TPRG1: variants seen among roughly 807,000 people sequenced by gnomAD.
The protein encoded by TPRG1 is tumor protein p63 regulated 1, also known as tumor protein p63-regulated gene 1 protein.
A neutral mutation model predicts 29.3 loss-of-function variants in TPRG1; 29 were observed. The observed-to-expected ratio is 0.99, with a 90% CI of 0.74 to 1.35. The LOEUF is 1.35. TPRG1 is among the 40% of genes most tolerant of loss of function. The pLI is 0.00. For synonymous variants in TPRG1, 130 were observed against 116.8 expected (o/e 1.11, Z -0.73); for missense variants, 327 against 335.0 (o/e 0.98, Z 0.19).
exon 3 of TPRG1, chr3:189,132,683 C>G (rs1445389145): frequency 6.6e-6 from 1 of 152,204 alleles, no homozygotes; most frequent in East Asian, 1.9e-4. Context: ...ACTGAACTGT[C>G]AGGCGGGAAA....
chr3:189,068,593 A>G (rs138812254), intron 4 of TPRG1, among the ~76,000 whole-genome samples: 2,982 of 152,196 alleles, frequency 0.02, 44 homozygotes, highest in Admixed American at 0.03. Flanking sequence ...TGGCCAACAT[A>G]GTGAAACCCC....
At chr3:189,180,455 G>A (rs1730060347) in intron 1 of TPRG1, among the ~76,000 whole-genome samples, 1 of 152,166 alleles carries the variant, frequency 6.6e-6, no homozygotes, top group African/African-American at 2.4e-5. Context: ...TACAGGTATT[G>A]GGTAAATACA....
At chr3:189,080,792 G>T (rs549880911) in intron 4 of TPRG1, among the ~76,000 whole-genome samples, 1 of 152,130 alleles carries the variant, frequency 6.6e-6, no homozygotes, top group East Asian at 1.9e-4. Context: ...ATATTGAATA[G>T]CACTGGGATT....
intron 4 of TPRG1, among the ~76,000 whole-genome samples, chr3:189,059,880 G>A (rs1209858727): frequency 6.6e-6 from 1 of 152,150 alleles, no homozygotes; most frequent in African/African-American, 2.4e-5. Flanking sequence ...GACAAAAGCT[G>A]CATGATTGTC....
chr3:189,032,656 T>A (rs1713995229), intron 4 of TPRG1, among the ~76,000 whole-genome samples: 1 of 151,688 alleles, frequency 6.6e-6, no homozygotes, highest in Non-Finnish European at 1.5e-5. Flanking sequence ...TGCAGGTTAG[T>A]TACATATGTA....
intron 4 of TPRG1, among the ~76,000 whole-genome samples, chr3:189,261,951 A>G (rs567683994): frequency 6.6e-6 from 1 of 152,250 alleles, no homozygotes; most frequent in East Asian, 1.9e-4. Context: ...GAATGATGGT[A>G]TGAGGAGTTT....
intron 4 of TPRG1, among the ~76,000 whole-genome samples, chr3:189,288,065 GAGAC>G (rs1457844650): frequency 5.3e-5 from 8 of 151,652 alleles, no homozygotes; most frequent in South Asian, 2.1e-4. Flanking sequence ...AGAAAAGAGA[GAGAC>G]AGAGGAAAAA....
chr3:189,280,012 AG>A (rs1716837016), intron 4 of TPRG1, among the ~76,000 whole-genome samples: 1 of 152,200 alleles, frequency 6.6e-6, no homozygotes, highest in Non-Finnish European at 1.5e-5. Context: ...CGGGATTGGT[AG>A]CCACTTCCCA....
At chr3:189,187,984 G>A (rs1209774893) in intron 1 of TPRG1, among the ~76,000 whole-genome samples, 8 of 152,124 alleles carry the variant, frequency 5.3e-5, no homozygotes, top group Admixed American at 1.3e-4. Flanking sequence ...AGGCTCCAAC[G>A]GAGGAAGTTA....
intron 4 of TPRG1, among the ~76,000 whole-genome samples, chr3:189,092,201 C>T (rs1173835870): frequency 6.6e-6 from 1 of 152,116 alleles, no homozygotes; most frequent in Non-Finnish European, 1.5e-5. Context: ...CCTGCTAGTT[C>T]AGTAGTTCTC....
At chr3:189,276,725 G>A (rs1716208847) in intron 4 of TPRG1, among the ~76,000 whole-genome samples, 1 of 152,116 alleles carries the variant, frequency 6.6e-6, no homozygotes, top group Non-Finnish European at 1.5e-5. Context: ...CTTGGCTCAT[G>A]GCTGTTCTAA....
At chr3:189,014,789 GC>G (rs1712834713) in intron 3 of TPRG1, among the ~76,000 whole-genome samples, 1 of 152,102 alleles carries the variant, frequency 6.6e-6, no homozygotes, top group Non-Finnish European at 1.5e-5. Context: ...TCCCTGAGGA[GC>G]CCCAGTCATG....
At position 189,324,966 on chromosome 3, in the gene TPRG1, TA is replaced by T. The variant is rs1312326044; in HGVS notation, c.*4149del. ...GCAGGAAACTTTAGTCACTGATGTG[TA>T]AACTCACCTTTGGTCTGCACCTCCC... On this transcript the variant is annotated 3_prime_UTR_variant, in exon 6 of 6. Transcript: ENST00000345063. 2.0e-5 allele frequency: 3 copies of T among 152,116 alleles called. No homozygotes were observed. In the East Asian group the frequency reaches 5.8e-4, roughly 29 times the overall value. 9.4% of individuals were successfully genotyped at this position (152,116 alleles called of 1,614,324 possible).
At chr3:189,106,052 T>G (rs1356632768) in intron 1 of TPRG1, among the ~76,000 whole-genome samples, 5 of 151,792 alleles carry the variant, frequency 3.3e-5, no homozygotes. Context: ...GAACTGAAAA[T>G]TCAACAACAA....
At chr3:189,112,544 A>T (rs1720659324) in intron 1 of TPRG1, among the ~76,000 whole-genome samples, 1 of 152,124 alleles carries the variant, frequency 6.6e-6, no homozygotes. Context: ...TCTCGAATTA[A>T]TTTTTGTATA....
At chr3:189,274,067 T>A (rs1715681701) in intron 4 of TPRG1, among the ~76,000 whole-genome samples, 1 of 152,070 alleles carries the variant, frequency 6.6e-6, no homozygotes, top group Non-Finnish European at 1.5e-5. Flanking sequence ...CCAACTGTCT[T>A]AATACCTCAA....
intron 1 of TPRG1, among the ~76,000 whole-genome samples, chr3:189,183,945 T>G (rs1730581017): frequency 6.6e-6 from 1 of 151,640 alleles, no homozygotes; most frequent in African/African-American, 2.4e-5. Context: ...CACAAGGGTA[T>G]TGATTGGGGA....
At chr3:189,226,370 A>G (rs1291968468) in intron 3 of TPRG1, among the ~76,000 whole-genome samples, 1 of 152,234 alleles carries the variant, frequency 6.6e-6, no homozygotes, top group Admixed American at 6.5e-5. Flanking sequence ...AATAATAAAA[A>G]AAATAGAAAA....
chr3:189,035,863 G>A (rs1325746993), intron 4 of TPRG1, among the ~76,000 whole-genome samples: 1 of 152,130 alleles, frequency 6.6e-6, no homozygotes, highest in African/African-American at 2.4e-5. Context: ...GTAGTTTTGA[G>A]ATTTCTCGAA....
Sources: gnomAD v4.1 joint callset for allele counts (sites outside exome capture counted in the v4.1 genomes callset) on GRCh38, gnomAD v4.1.1 for gene constraint, MANE v1.5 for transcripts, NCBI Gene and HGNC (gene_info 2026-07-23, HGNC 2026-07-21) for gene names.